CDKN2B-AS1: variants seen among roughly 807,000 people sequenced by gnomAD.
CDKN2B-AS1 encodes the protein CDKN2B and CDKN2A antisense cis and trans regulatory RNA 1, also known as CDKN2B antisense RNA 1 (non-protein coding).
rs113720035 is a variant in CDKN2B-AS1 at position 22,046,023 on chromosome 9, A to T, written n.30-728A>T. Among the ~76,000 whole-genome samples, 1,310 of 152,234 alleles carry T rather than the reference A, an allele frequency of 8.6e-3. 19 individuals carry two copies. Among genetic ancestry groups the T allele is most frequent in the African/African-American group, 0.027 (1,136 of 41,564 alleles). On this transcript the variant is annotated intron_variant and non_coding_transcript_variant, in intron 1 of 4. Transcript: ENST00000650946. The stretch of plus-strand genomic sequence containing the variant: ...CACTGGACTTAGAATATAAGAAGAA[A>T]ATTTGGGACAACCTGAATAGTTGAG...
At chr9:22,112,871 A>G (rs1825837577) in intron 4 of CDKN2B-AS1, among the ~76,000 whole-genome samples, 1 of 152,178 alleles carries the variant, frequency 6.6e-6, no homozygotes, top group East Asian at 1.9e-4. Flanking sequence ...AAATGAGGTA[A>G]GGCCTAAAAT....
At chr9:22,018,672 A>G (rs1165247366) in intron 1 of CDKN2B-AS1, among the ~76,000 whole-genome samples, 1 of 152,190 alleles carries the variant, frequency 6.6e-6, no homozygotes, top group Non-Finnish European at 1.5e-5. Flanking sequence ...AAAGAAAAAC[A>G]TAATCCATGT....
chr9:22,005,888 C>T lies in CDKN2B-AS1; in HGVS notation n.29+10727C>T. Reference sequence around the variant, plus strand: ...ACAGGCTTGCAGGCTTACAGGCTTTCCGCCGCTCCCCGTTGGCAGCCTTCA... The same window carrying T: ...ACAGGCTTGCAGGCTTACAGGCTTTTCGCCGCTCCCCGTTGGCAGCCTTCA... On this transcript the variant is annotated intron_variant and non_coding_transcript_variant, in intron 1 of 4. Coordinates refer to ENST00000650946, the Ensembl canonical transcript of CDKN2B-AS1. The surrounding 1 kb of genome is among the most constrained non-coding windows in gnomAD (Gnocchi z 4.9). 1 of 1,493,110 alleles carries T rather than the reference C, an allele frequency of 6.7e-7. No individual in the cohort carries two copies. The highest frequency in any genetic ancestry group is 9.0e-7 in the Non-Finnish European group (1 of 1,106,588). 92.5% of individuals were successfully genotyped at this position (1,493,110 alleles called of 1,614,324 possible).
At chr9:22,010,192 G>A (rs144859866) in intron 1 of CDKN2B-AS1, among the ~76,000 whole-genome samples, 1 of 152,268 alleles carries the variant, frequency 6.6e-6, no homozygotes, top group East Asian at 1.9e-4. Flanking sequence ...TAAACAGGCT[G>A]AACCTGTCAT....
intron 4 of CDKN2B-AS1, among the ~76,000 whole-genome samples, chr9:22,079,038 G>T (rs889961254): frequency 5.3e-5 from 8 of 152,126 alleles, no homozygotes; most frequent in Non-Finnish European, 1.2e-4. Context: ...CAAAGCAGTT[G>T]TCAATATCTG....
chr9:22,049,748 G>A (rs1823262407), intron 3 of CDKN2B-AS1, among the ~76,000 whole-genome samples: 1 of 152,100 alleles, frequency 6.6e-6, no homozygotes, highest in Non-Finnish European at 1.5e-5. Context: ...ATACACTTAA[G>A]GCATCATGTA....
At chr9:22,080,639 G>A (rs1824660851) in intron 4 of CDKN2B-AS1, among the ~76,000 whole-genome samples, 1 of 152,238 alleles carries the variant, frequency 6.6e-6, no homozygotes, top group South Asian at 2.1e-4. Context: ...TCACTCTATG[G>A]AAATGGGCTG....
intron 4 of CDKN2B-AS1, among the ~76,000 whole-genome samples, chr9:22,126,602 G>A (rs1402656510): frequency 3.7e-5 from 5 of 133,730 alleles, no homozygotes; most frequent in Non-Finnish European, 7.6e-5. Flanking sequence ...TTTTGAGACG[G>A]AGTCTCGCTC....
At position 21,995,503 on chromosome 9, in the gene CDKN2B-AS1, GGCGTAC is replaced by G. The variant is rs551685870; in HGVS notation, n.29+344_29+349del. ...CCTTGATCCCGCCGCCTGACTCCTC[GGCGTAC>G]GTTCTCTCTCCGGTCTCCCCCTCCA... is the stretch of plus-strand genomic sequence containing the variant. On this transcript the variant is annotated intron_variant and non_coding_transcript_variant, in intron 1 of 4. Coordinates refer to ENST00000650946, the Ensembl canonical transcript of CDKN2B-AS1. This position sits in a 1 kb window ranked among gnomAD's most constrained non-coding sequence, Gnocchi z 5.7. The G allele has an allele frequency of 5.4e-3, 829 of 152,660 alleles. 5 individuals are homozygous for G. Among genetic ancestry groups the G allele is most frequent in the Non-Finnish European group, 9.0e-3 (614 of 68,280 alleles). The allele number at this position is 152,660 out of a possible 1,614,324, so 9.5% of individuals were successfully genotyped here. A position where few individuals can be genotyped will look rare whatever the true frequency, so the allele number is the denominator to read the frequency against.
intron 4 of CDKN2B-AS1, among the ~76,000 whole-genome samples, chr9:22,122,131 A>G (rs1320524692): frequency 6.6e-6 from 1 of 151,926 alleles, no homozygotes; most frequent in Non-Finnish European, 1.5e-5. Flanking sequence ...TGCAGCTTCA[A>G]TTCACATCTC....
chr9:22,012,551 C>G (rs1821558126), intron 1 of CDKN2B-AS1: 6 of 568,060 alleles, frequency 1.1e-5, no homozygotes, highest in South Asian at 9.1e-5. Context: ...CTCTTCCTTC[C>G]TCGGAGGGCA....
intron 1 of CDKN2B-AS1, among the ~76,000 whole-genome samples, chr9:22,043,789 A>G (rs1414098335): frequency 6.6e-6 from 1 of 152,014 alleles, no homozygotes; most frequent in African/African-American, 2.4e-5. Flanking sequence ...TGCTAGTTAA[A>G]AATTTTTAAA....
chr9:22,060,956 G>A (rs1383200206), intron 4 of CDKN2B-AS1, among the ~76,000 whole-genome samples: 1 of 152,170 alleles, frequency 6.6e-6, no homozygotes, highest in African/African-American at 2.4e-5. Context: ...CAAAATGTGG[G>A]AATTCTGGGA....
chr9:22,110,729 A>AAAAT (rs1825785103), intron 4 of CDKN2B-AS1, among the ~76,000 whole-genome samples: 2 of 152,148 alleles, frequency 1.3e-5, no homozygotes, highest in South Asian at 4.1e-4. Flanking sequence ...TCATTTTTAA[A>AAAAT]AAATACCATT....
intron 4 of CDKN2B-AS1, among the ~76,000 whole-genome samples, chr9:22,111,475 A>G (rs72654223): frequency 6.6e-6 from 1 of 152,172 alleles, no homozygotes; most frequent in Non-Finnish European, 1.5e-5. Flanking sequence ...CTATTTGTGA[A>G]GTATTAGCTA....
chr9:21,997,499 G>A lies in CDKN2B-AS1; in HGVS notation n.29+2338G>A, dbSNP rs1410386133. ...AGGGAGGGAGAGAGAGAGAGAGAGA[G>A]AGAGAAAGAGAAAGAGAGAAAATAC... is the stretch of plus-strand genomic sequence containing the variant. On this transcript the variant is annotated intron_variant and non_coding_transcript_variant, in intron 1 of 4. Transcript: ENST00000650946. The surrounding 1 kb of genome is among the most constrained non-coding windows in gnomAD (Gnocchi z 4.8). 6.6e-6 allele frequency among the ~76,000 whole-genome samples: 1 copy of A among 151,906 alleles called. No homozygotes were observed. Among genetic ancestry groups the A allele is most frequent in the East Asian group, 1.9e-4 (1 of 5,194 alleles).
chr9:22,115,322 A>G (rs1825919748), intron 4 of CDKN2B-AS1, among the ~76,000 whole-genome samples: 2 of 152,190 alleles, frequency 1.3e-5, no homozygotes, highest in African/African-American at 4.8e-5. Context: ...TATTTTGTAC[A>G]AATGAAAACA....
rs991774448 is a variant in CDKN2B-AS1, at chr9:21,997,429, C to T, written n.29+2268C>T. Among the ~76,000 whole-genome samples, 4 of 149,560 alleles carry T rather than the reference C, an allele frequency of 2.7e-5. No individual in the cohort carries two copies. The highest frequency in any genetic ancestry group is 4.4e-5 in the Non-Finnish European group (3 of 67,534). ...GTGTGTGTATACAATTTTATATATA[C>T]GTACATTATATGTCTACACACACAT... On this transcript the variant is annotated intron_variant and non_coding_transcript_variant, in intron 1 of 4. Transcript: ENST00000650946. This position sits in a 1 kb window ranked among gnomAD's most constrained non-coding sequence, Gnocchi z 4.8.
At chr9:22,119,801 C>A (rs922755392) in intron 4 of CDKN2B-AS1, 2 of 152,128 alleles carry the variant, frequency 1.3e-5, no homozygotes, top group Non-Finnish European at 2.9e-5. Context: ...AAAATACTTT[C>A]CCTCACTGCA....
Sources: gnomAD v4.1 joint callset for allele counts (sites outside exome capture counted in the v4.1 genomes callset) on GRCh38, gnomAD v4.1.1 for gene constraint, Gnocchi (gnomAD v3.1) non-coding constraint, MANE v1.5 for transcripts, NCBI Gene and HGNC (gene_info 2026-07-23, HGNC 2026-07-21) for gene names.